The following NRXN3 variants were observed in gnomAD, a reference collection of about 807,000 sequenced individuals.
NRXN3 encodes the protein neurexin III.
In NRXN3, 32 loss-of-function variants were observed where a neutral mutation model predicts 137.6. That is an observed-to-expected ratio of 0.23 (90% CI 0.18 to 0.31). The LOEUF (loss-of-function observed/expected upper bound fraction) is 0.31, where lower values mean the gene tolerates loss of function less well. Among genes scored for constraint, NRXN3 ranks in the 10% least tolerant of loss-of-function variants. NRXN3 has a pLI of 1.00. For missense variants in NRXN3, 1,574 were observed against 2,062.5 expected (o/e 0.76, Z 4.59); for synonymous variants, 798 against 784.5 (o/e 1.02, Z -0.29).
At chr14:78,924,874 G>A (rs888401407) in intron 10 of NRXN3, among the ~76,000 whole-genome samples, 1 of 152,090 alleles carries the variant, frequency 6.6e-6, no homozygotes, top group Admixed American at 6.6e-5. Flanking sequence ...AGAAATAGGG[G>A]GGAATTGAGT....
chr14:79,229,090 GT>G (rs2071632348), intron 15 of NRXN3, among the ~76,000 whole-genome samples: 1 of 152,084 alleles, frequency 6.6e-6, no homozygotes, highest in African/African-American at 2.4e-5. Flanking sequence ...TAGGACCCAA[GT>G]TAATCAAATT....
intron 2 of NRXN3, among the ~76,000 whole-genome samples, chr14:78,269,417 T>G (rs911028354): frequency 2.0e-5 from 3 of 152,156 alleles, no homozygotes; most frequent in African/African-American, 7.2e-5. Context: ...TGAAAGTACA[T>G]TGGTAGTTTT....
chr14:79,444,064 TA>T (rs1331957556), intron 15 of NRXN3, among the ~76,000 whole-genome samples: 1 of 152,076 alleles, frequency 6.6e-6, no homozygotes, highest in Non-Finnish European at 1.5e-5. Context: ...GGGATGAAAA[TA>T]AATCCTCTGT....
intron 15 of NRXN3, chr14:79,279,708 C>T (rs1364648700): frequency 4.1e-6 from 4 of 986,130 alleles, no homozygotes; most frequent in African/African-American, 1.7e-5. Flanking sequence ...AGCCTCGCGC[C>T]CTTCCGCGGA....
intron 4 of NRXN3, among the ~76,000 whole-genome samples, chr14:78,632,674 A>G (rs1307119147): frequency 6.6e-6 from 1 of 152,202 alleles, no homozygotes; most frequent in Non-Finnish European, 1.5e-5. Flanking sequence ...GTGAGGGATA[A>G]ATAAGAAATA....
chr14:79,233,504 A>G (rs374280829), intron 15 of NRXN3, among the ~76,000 whole-genome samples: 2 of 152,090 alleles, frequency 1.3e-5, no homozygotes, highest in Non-Finnish European at 2.9e-5. Flanking sequence ...AGATAAACCT[A>G]CTGTAATCCG....
intron 15 of NRXN3, among the ~76,000 whole-genome samples, chr14:79,129,674 T>C (rs1478146183): frequency 7.9e-6 from 1 of 127,022 alleles, no homozygotes; most frequent in Non-Finnish European, 1.7e-5. Context: ...GGTGGAGAGT[T>C]CTGTAGATGT....
At chr14:78,784,880 T>A (rs1387506909) in intron 8 of NRXN3, among the ~76,000 whole-genome samples, 1 of 152,008 alleles carries the variant, frequency 6.6e-6, no homozygotes, top group Non-Finnish European at 1.5e-5. Flanking sequence ...CTGAGCAAAG[T>A]CACAGGGGCA....
intron 20 of NRXN3, among the ~76,000 whole-genome samples, chr14:79,835,625 A>G (rs1337252189): frequency 6.6e-6 from 1 of 152,074 alleles, no homozygotes; most frequent in African/African-American, 2.4e-5. Flanking sequence ...GGGAGTGAAA[A>G]TGTGTGTAGA....
chr14:79,763,529 A>G (rs536467149), intron 19 of NRXN3, among the ~76,000 whole-genome samples: 30 of 151,756 alleles, frequency 2.0e-4, no homozygotes, highest in Admixed American at 3.3e-4. Context: ...ATCTTAGTCC[A>G]TTTAGGGTGC....
At chr14:78,597,736 G>A (rs563725662) in intron 4 of NRXN3, among the ~76,000 whole-genome samples, 10 of 152,294 alleles carry the variant, frequency 6.6e-5, no homozygotes, top group Non-Finnish European at 1.0e-4. Context: ...CCTCCTCTTC[G>A]TCATTTCTCA....
At chr14:79,094,874 A>G (rs1317035817) in intron 15 of NRXN3, among the ~76,000 whole-genome samples, 1 of 151,938 alleles carries the variant, frequency 6.6e-6, no homozygotes, top group African/African-American at 2.4e-5. Flanking sequence ...TTTGTTGACA[A>G]TATCGATGAT....
intron 4 of NRXN3, among the ~76,000 whole-genome samples, chr14:78,390,527 C>T (rs2090611728): frequency 6.6e-6 from 1 of 152,196 alleles, no homozygotes; most frequent in African/African-American, 2.4e-5. Flanking sequence ...CTTTTTGCAT[C>T]TCGCCTTTAC....
chr14:79,692,587 A>C (rs1019909252), intron 18 of NRXN3, among the ~76,000 whole-genome samples: 1 of 152,084 alleles, frequency 6.6e-6, no homozygotes, highest in Non-Finnish European at 1.5e-5. Flanking sequence ...ATTTGTTTTA[A>C]ATTACCTTTT....
chr14:78,219,991 T>C (rs897754207), intron 1 of NRXN3, among the ~76,000 whole-genome samples: 1 of 151,752 alleles, frequency 6.6e-6, no homozygotes, highest in East Asian at 1.9e-4. Context: ...AGGAGGGATA[T>C]TGAGAAGATA....
At chr14:78,329,425 A>G (rs983288647) in intron 4 of NRXN3, among the ~76,000 whole-genome samples, 1 of 152,174 alleles carries the variant, frequency 6.6e-6, no homozygotes, top group African/African-American at 2.4e-5. Flanking sequence ...TGATTACATC[A>G]TGTGTAATAC....
intron 15 of NRXN3, among the ~76,000 whole-genome samples, chr14:79,460,832 C>G (rs2096326653): frequency 6.6e-6 from 1 of 152,142 alleles, no homozygotes; most frequent in Admixed American, 6.5e-5. Flanking sequence ...TACTGAGCAG[C>G]AAATCTGCTC....
rs911211715 is a variant in NRXN3, at chr14:79,657,498, G to A, written c.3445-6280G>A. On this transcript the variant is annotated intron_variant, in intron 16 of 20. Transcript: ENST00000335750. ...TCTTCTCTGATTTAGATTTTTCAAC[G>A]GAGAGACCTGGTCTCTTACCTCTCT... Among the ~76,000 whole-genome samples, 9 of 152,114 alleles carry A rather than the reference G, an allele frequency of 5.9e-5. No homozygotes were observed. In the South Asian group the frequency reaches 1.0e-3, roughly 17 times the overall value.
intron 4 of NRXN3, among the ~76,000 whole-genome samples, chr14:78,487,137 A>T (rs1434926879): frequency 1.3e-5 from 2 of 152,038 alleles, no homozygotes; most frequent in Non-Finnish European, 2.9e-5. Flanking sequence ...GATATGAGCT[A>T]TTTTTTTACT....
Sources: gnomAD v4.1 joint callset for allele counts (sites outside exome capture counted in the v4.1 genomes callset) on GRCh38, gnomAD v4.1.1 for gene constraint, MANE v1.5 for transcripts, NCBI Gene and HGNC (gene_info 2026-07-23, HGNC 2026-07-21) for gene names.